The following CTNNA2 variants were observed in gnomAD, a reference collection of about 807,000 sequenced individuals.
CTNNA2 encodes catenin alpha 2, also known as catenin alpha-2.
CTNNA2 carries 42 observed loss-of-function variants against 101.0 expected under a neutral mutation model. The observed-to-expected ratio is 0.42, with a 90% CI of 0.32 to 0.54. The LOEUF is 0.54. CTNNA2 is among the 20% of genes least tolerant of loss of function. The pLI is 0.14. For missense variants in CTNNA2, 871 were observed against 1,223.1 expected, an observed-to-expected ratio of 0.71 and a Z score of 4.29; for synonymous variants, 450 against 456.4, an observed-to-expected ratio of 0.99 and a Z score of 0.18.
intron 18 of CTNNA2, among the ~76,000 whole-genome samples, chr2:80,620,929 CTTAT>C (rs1465908584): frequency 6.6e-6 from 1 of 151,912 alleles, no homozygotes. Flanking sequence ...TGTGCATGCA[CTTAT>C]TTATCTTCAT....
intron 7 of CTNNA2, among the ~76,000 whole-genome samples, chr2:80,208,308 A>G (rs1264852157): frequency 1.3e-5 from 2 of 152,212 alleles, no homozygotes; most frequent in East Asian, 1.9e-4. Flanking sequence ...CAATTTGGTT[A>G]TGTGCAACTG....
chr2:80,134,822 T>C (rs771113483), intron 7 of CTNNA2, among the ~76,000 whole-genome samples: 7 of 152,192 alleles, frequency 4.6e-5, no homozygotes, highest in Non-Finnish European at 8.8e-5. Flanking sequence ...ATTAAGTAGA[T>C]TTTCCATTTG....
At chr2:79,482,419 G>T (rs1294752502) in intron 4 of CTNNA2, among the ~76,000 whole-genome samples, 1 of 152,306 alleles carries the variant, frequency 6.6e-6, no homozygotes, top group African/African-American at 2.4e-5. Context: ...CAATGTACTA[G>T]GGATTTGGAA....
At chr2:80,080,227 G>GA (rs1360314719) in intron 7 of CTNNA2, among the ~76,000 whole-genome samples, 1 of 152,034 alleles carries the variant, frequency 6.6e-6, no homozygotes, top group African/African-American at 2.4e-5. Context: ...AAACAATCTT[G>GA]AAAAAGGAAG....
chr2:79,750,321 C>A (rs1171205973), intron 3 of CTNNA2, among the ~76,000 whole-genome samples: 1 of 152,120 alleles, frequency 6.6e-6, no homozygotes, highest in Non-Finnish European at 1.5e-5. Context: ...ATCTTTATGT[C>A]CAGGCCTCAC....
At chr2:80,329,263 A>G (rs935185799) in intron 7 of CTNNA2, among the ~76,000 whole-genome samples, 3 of 152,184 alleles carry the variant, frequency 2.0e-5, no homozygotes, top group Non-Finnish European at 4.4e-5. Flanking sequence ...AATATGCAAC[A>G]AGGAGTTCCT....
At chr2:79,519,663 C>T (rs915971351) in intron 1 of CTNNA2, among the ~76,000 whole-genome samples, 2 of 152,076 alleles carry the variant, frequency 1.3e-5, no homozygotes, top group African/African-American at 4.8e-5. Context: ...ACATAAACTT[C>T]TGCTGCATAA....
intron 7 of CTNNA2, among the ~76,000 whole-genome samples, chr2:80,007,960 T>A (rs776584921): frequency 1.1e-4 from 16 of 152,318 alleles, no homozygotes; most frequent in Non-Finnish European, 1.9e-4. Flanking sequence ...TCAGACCCAC[T>A]TCATTAACTT....
intron 9 of CTNNA2, among the ~76,000 whole-genome samples, chr2:80,479,428 A>G (rs1685978311): frequency 6.6e-6 from 1 of 152,146 alleles, no homozygotes; most frequent in Non-Finnish European, 1.5e-5. Context: ...GAATCATCTG[A>G]CCTAAAATGT....
chr2:80,309,192 T>C (rs1273752918), intron 7 of CTNNA2, among the ~76,000 whole-genome samples: 2 of 152,214 alleles, frequency 1.3e-5, no homozygotes, highest in African/African-American at 2.4e-5. Flanking sequence ...TTCTCTATAC[T>C]GGTGTAGAGA....
At chr2:80,391,488 G>A (rs1484274996) in intron 7 of CTNNA2, among the ~76,000 whole-genome samples, 2 of 152,152 alleles carry the variant, frequency 1.3e-5, no homozygotes, top group Admixed American at 1.3e-4. Flanking sequence ...TTTAATGTTT[G>A]AAAGTAAGTT....
intron 2 of CTNNA2, among the ~76,000 whole-genome samples, chr2:79,709,005 C>T (rs927931747): frequency 1.3e-5 from 2 of 152,142 alleles, no homozygotes; most frequent in Admixed American, 6.5e-5. Context: ...TATGGTTTTA[C>T]CTGTTTAATC....
intron 1 of CTNNA2, among the ~76,000 whole-genome samples, chr2:79,189,663 G>T (rs1269702142): frequency 6.6e-6 from 1 of 152,234 alleles, no homozygotes; most frequent in South Asian, 2.1e-4. Context: ...TTACACAAAG[G>T]AAAAGTAAAC....
intron 2 of CTNNA2, among the ~76,000 whole-genome samples, chr2:79,288,201 C>G (rs1433492350): frequency 6.6e-6 from 1 of 152,238 alleles, no homozygotes; most frequent in Non-Finnish European, 1.5e-5. Flanking sequence ...CAGAAATCAC[C>G]CATCTTCTGC....
chr2:80,434,366 T>C (rs1290308915), intron 9 of CTNNA2, among the ~76,000 whole-genome samples: 4 of 152,282 alleles, frequency 2.6e-5, no homozygotes, highest in Middle Eastern at 6.8e-3. Flanking sequence ...GCTATTCTGG[T>C]GGTGTACTTT....
intron 6 of CTNNA2, among the ~76,000 whole-genome samples, chr2:79,903,333 C>G (rs189928852): frequency 3.8e-4 from 58 of 152,080 alleles, no homozygotes; most frequent in African/African-American, 1.3e-3. Context: ...TTGATGCTGT[C>G]CTGCCTTCTG....
chr2:79,671,579 T>C (rs17017485), intron 2 of CTNNA2, among the ~76,000 whole-genome samples: 6,029 of 152,290 alleles, frequency 0.04, 389 homozygotes, highest in African/African-American at 0.14. Flanking sequence ...TGAAAAGGAA[T>C]GGATTTCTCA....
intron 2 of CTNNA2, among the ~76,000 whole-genome samples, chr2:79,717,799 A>G (rs1488349520): frequency 6.6e-6 from 1 of 152,158 alleles, no homozygotes; most frequent in South Asian, 2.1e-4. Flanking sequence ...AACGTCAGAG[A>G]CTGTATGGGA....
intron 9 of CTNNA2, among the ~76,000 whole-genome samples, chr2:80,491,260 G>A (rs1687036768): frequency 6.6e-6 from 1 of 152,156 alleles, no homozygotes; most frequent in Admixed American, 6.5e-5. Flanking sequence ...AATTACACGT[G>A]AGCATCCCAG....
Sources: gnomAD v4.1 joint callset for allele counts (sites outside exome capture counted in the v4.1 genomes callset) on GRCh38, gnomAD v4.1.1 for gene constraint, MANE v1.5 for transcripts, NCBI Gene and HGNC (gene_info 2026-07-23, HGNC 2026-07-21) for gene names.